NTN1: variants seen among roughly 807,000 people sequenced by gnomAD.
NTN1 encodes netrin-1.
A neutral mutation model predicts 54.2 loss-of-function variants in NTN1; 11 were observed. The ratio of observed to expected loss-of-function variants is 0.20; its 90% CI spans 0.13 to 0.34. The LOEUF (loss-of-function observed/expected upper bound fraction) is 0.34, where lower values mean the gene tolerates loss of function less well. Among genes scored for constraint, NTN1 ranks in the 10% least tolerant of loss-of-function variants. NTN1 has a pLI of 1.00. For synonymous variants in NTN1, 371 were observed against 382.0 expected (o/e 0.97, Z 0.33); for missense variants, 740 against 893.1 (o/e 0.83, Z 2.18).
chr17:9,117,798 T>C (rs1488615762), intron 2 of NTN1, among the ~76,000 whole-genome samples: 3 of 141,444 alleles, frequency 2.1e-5, no homozygotes, highest in Non-Finnish European at 4.6e-5. Context: ...CAAGCTTCCA[T>C]GTGCACGGCG....
At chr17:9,145,158 C>T (rs184571481) in intron 2 of NTN1, among the ~76,000 whole-genome samples, 1 of 152,330 alleles carries the variant, frequency 6.6e-6, no homozygotes, top group Admixed American at 6.5e-5. Context: ...ATTAAATCCA[C>T]ATTACTGTGG....
At chr17:9,110,532 C>G (rs534215380) in intron 2 of NTN1, among the ~76,000 whole-genome samples, 4 of 152,234 alleles carry the variant, frequency 2.6e-5, no homozygotes, top group Non-Finnish European at 4.4e-5. Flanking sequence ...CTTGGCCTCC[C>G]AAAGTGCTGG....
At chr17:9,015,842 G>A in the NTN1 span, among the ~76,000 whole-genome samples, 5 of 152,042 alleles carry the variant, frequency 3.3e-5, no homozygotes, top group East Asian at 1.9e-4. Context: ...AGGCCAAGGC[G>A]GGCGAATCAC....
intron 2 of NTN1, among the ~76,000 whole-genome samples, chr17:9,131,778 C>T (rs914071489): frequency 3.3e-5 from 5 of 151,550 alleles, no homozygotes; most frequent in African/African-American, 4.9e-5. Flanking sequence ...GACAGGGTTT[C>T]GCCATGCTGG....
rs547118625 is a variant in NTN1 at position 9,084,221 on chromosome 17, C to A, written c.1018+60830C>A. 2.0e-5 allele frequency among the ~76,000 whole-genome samples: 3 copies of A among 152,286 alleles called. No homozygotes were observed. In the East Asian group the frequency reaches 5.8e-4, roughly 29 times the overall value. ...CTCCCGGGTTTAAGTGATTCTCCTG[C>A]CTCAGCCTCCTGAGTAGCTGGGATT... On this transcript the variant is annotated intron_variant, in intron 2 of 6. Coordinates refer to ENST00000173229, the MANE Select transcript of NTN1 (RefSeq NM_004822.3).
chr17:9,144,678 T>C (rs912407516), intron 2 of NTN1, among the ~76,000 whole-genome samples: 3 of 152,188 alleles, frequency 2.0e-5, no homozygotes, highest in African/African-American at 7.2e-5. Flanking sequence ...GCAGGCCGCA[T>C]AGGTGGATGG....
At chr17:9,136,530 T>C (rs562466336) in intron 2 of NTN1, among the ~76,000 whole-genome samples, 2 of 152,068 alleles carry the variant, frequency 1.3e-5, no homozygotes, top group South Asian at 2.1e-4. Flanking sequence ...TGAGCCAAGA[T>C]TGCACCACTG....
At chr17:9,102,337 A>C (rs1238475658) in intron 2 of NTN1, among the ~76,000 whole-genome samples, 1 of 126,204 alleles carries the variant, frequency 7.9e-6, no homozygotes, top group Non-Finnish European at 1.7e-5. Context: ...CATGTCCTTC[A>C]CATGGCGGCA....
rs959256718 is a variant in NTN1 at position 9,242,090 on chromosome 17, G to A, written c.*2122G>A. Reference sequence around the variant, plus strand: ...CAAAGTGGTGCGGGATGCAGGGACGGACTTGCCAGATGGCAGCTCCAGGTT... The same window carrying A: ...CAAAGTGGTGCGGGATGCAGGGACGAACTTGCCAGATGGCAGCTCCAGGTT... On this transcript the variant is annotated 3_prime_UTR_variant, in exon 7 of 7. Coordinates refer to ENST00000173229, the MANE Select transcript of NTN1 (RefSeq NM_004822.3). 2 of 152,638 alleles carry A rather than the reference G, an allele frequency of 1.3e-5. No individual in the cohort carries two copies. The highest frequency in any genetic ancestry group is 2.9e-5 in the Non-Finnish European group (2 of 68,292). 9.5% of individuals were successfully genotyped at this position (152,638 alleles called of 1,614,324 possible).
chr17:9,004,637 G>C, the NTN1 span, among the ~76,000 whole-genome samples: 1 of 152,234 alleles, frequency 6.6e-6, no homozygotes, highest in East Asian at 1.9e-4. Context: ...ACCGCGCCGC[G>C]CCAGCGCCTT....
intron 2 of NTN1, among the ~76,000 whole-genome samples, chr17:9,074,631 C>T (rs2092043241): frequency 6.6e-6 from 1 of 152,224 alleles, no homozygotes; most frequent in Admixed American, 6.5e-5. Flanking sequence ...ACACTTCTTC[C>T]ACTGGCCTGG....
chr17:9,203,057 G>A (rs1197044470), intron 5 of NTN1, among the ~76,000 whole-genome samples: 2 of 152,184 alleles, frequency 1.3e-5, no homozygotes, highest in African/African-American at 4.8e-5. Context: ...GAGTAGCTGG[G>A]ACTACAGGCG....
Position 9,221,631 on chromosome 17 carries a change from G to A in NTN1, c.1486+389G>A, listed in dbSNP as rs1905357979. Among the ~76,000 whole-genome samples the A allele has an allele frequency of 6.6e-6, 1 of 152,232 alleles. No homozygotes were observed. The highest frequency in any genetic ancestry group is 2.1e-4 in the South Asian group (1 of 4,832). On this transcript the variant is annotated intron_variant, in intron 6 of 6. Coordinates refer to ENST00000173229, the MANE Select transcript of NTN1 (RefSeq NM_004822.3). The surrounding 1 kb of genome is among the most constrained non-coding windows in gnomAD (Gnocchi z 4.5). ...CGTGGCTCAAAGGGAAGCTCTCTGG[G>A]CATCAGACAAGGGCTGGGAGCTCCC...
chr17:9,228,964 T>C (rs1289412626), intron 6 of NTN1, among the ~76,000 whole-genome samples: 6 of 150,004 alleles, frequency 4.0e-5, no homozygotes, highest in Non-Finnish European at 7.4e-5. Context: ...GCGTGTGTGA[T>C]TGTGTTTACG....
intron 2 of NTN1, among the ~76,000 whole-genome samples, chr17:9,124,075 G>A (rs567240012): frequency 3.3e-5 from 5 of 152,236 alleles, no homozygotes; most frequent in Admixed American, 1.3e-4. Context: ...CAACCATCAC[G>A]CAGTGCCTGC....
At chr17:9,122,345 A>G (rs1397197529) in intron 2 of NTN1, among the ~76,000 whole-genome samples, 1 of 152,106 alleles carries the variant, frequency 6.6e-6, no homozygotes, top group Non-Finnish European at 1.5e-5. Flanking sequence ...TCTGAGTTAC[A>G]TTTTTTGAAA....
intron 6 of NTN1, among the ~76,000 whole-genome samples, chr17:9,232,405 C>T (rs1232411934): frequency 6.6e-6 from 1 of 152,230 alleles, no homozygotes; most frequent in African/African-American, 2.4e-5. Flanking sequence ...CTGTGCCCAC[C>T]TCCCAGGGGA....
chr17:9,137,407 A>G (rs1025936203), intron 2 of NTN1, among the ~76,000 whole-genome samples: 97 of 152,230 alleles, frequency 6.4e-4, no homozygotes, highest in Middle Eastern at 3.4e-3. Flanking sequence ...TGGGGTGGAC[A>G]CTCAGTGAAG....
At chr17:9,233,164 G>A (rs1905873266) in intron 6 of NTN1, among the ~76,000 whole-genome samples, 1 of 151,986 alleles carries the variant, frequency 6.6e-6, no homozygotes, top group African/African-American at 2.4e-5. Flanking sequence ...CCATAAATCT[G>A]CGAGACCTCC....
Sources: gnomAD v4.1 joint callset for allele counts (sites outside exome capture counted in the v4.1 genomes callset) on GRCh38, gnomAD v4.1.1 for gene constraint, Gnocchi (gnomAD v3.1) non-coding constraint, MANE v1.5 for transcripts, NCBI Gene and HGNC (gene_info 2026-07-23, HGNC 2026-07-21) for gene names.